Variants in PPEF2 observed in about 807,000 individuals in gnomAD.
PPEF2 encodes serine/threonine-protein phosphatase with EF-hands 2.
PPEF2 carries 84 observed loss-of-function variants against 84.7 expected under a neutral mutation model. The observed-to-expected ratio is 0.99, with a 90% CI of 0.83 to 1.19. The LOEUF (loss-of-function observed/expected upper bound fraction) is 1.19, where lower values mean the gene tolerates loss of function less well. Among genes scored for constraint, PPEF2 ranks in the 50% most tolerant of loss-of-function variants. The pLI, the probability that PPEF2 is intolerant of heterozygous loss-of-function variation, is 0.00. For missense variants in PPEF2, 924 were observed against 937.5 expected, an observed-to-expected ratio of 0.99 and a Z score of 0.19; for synonymous variants, 346 against 345.2, an observed-to-expected ratio of 1.00 and a Z score of -0.03.
Position 75,876,599 on chromosome 4 carries a change from C to T in PPEF2, c.1008G>A (p.Gln336=). 1.2e-6 allele frequency: 2 copies of T among 1,608,642 alleles called. No homozygotes were observed. Among genetic ancestry groups the T allele is most frequent in the Non-Finnish European group, 1.7e-6 (2 of 1,177,624 alleles). The change falls in exon 11 of 17, where the codon CAG becomes CAA. Residue 336 remains glutamine (Q), a synonymous_variant. Transcript: ENST00000286719. ...KQMEEKRRAN[Q]KSSAQGPIPW... ...GGATGGGTCCCTGTGCAGAGCTCTT[C>T]TGGTTGGCTCTTCTCTTCTCCTCCA...
At chr4:75,863,758 T>TA (rs551484416) in intron 16 of PPEF2, among the ~76,000 whole-genome samples, 4 of 151,720 alleles carry the variant, frequency 2.6e-5, no homozygotes, top group African/African-American at 4.8e-5. Flanking sequence ...AATTTAAAGT[T>TA]AAAAAAAACA....
At chr4:75,876,189 A>AG (rs397796783) in intron 11 of PPEF2, 98 bp downstream of exon 11, 22 of 1,452,528 alleles carry the variant, frequency 1.5e-5, no homozygotes, top group African/African-American at 2.9e-5. Context: ...CCAGAAAGAG[A>AG]AAGAGGGGCC....
intron 14 of PPEF2, 130 bp downstream of exon 14, chr4:75,867,183 G>T: frequency 1.7e-6 from 1 of 584,110 alleles, no homozygotes; most frequent in Non-Finnish European, 3.0e-6. Flanking sequence ...TGAATAAAAT[G>T]GAGGATATAG....
At chr4:75,883,456 G>T in intron 8 of PPEF2, 1 of 508,116 alleles carries the variant, frequency 2.0e-6, no homozygotes, top group South Asian at 2.8e-5. Context: ...TTATTTATAT[G>T]ATAGAGTATG....
intron 10 of PPEF2, among the ~76,000 whole-genome samples, chr4:75,878,049 T>C (rs1181360145): frequency 6.6e-6 from 1 of 152,148 alleles, no homozygotes; most frequent in Non-Finnish European, 1.5e-5. Flanking sequence ...GAGGAAAAAC[T>C]TGACTCTTGC....
In PPEF2 at chr4:75,873,236, TAAC is replaced by T. The variant is rs1226453759; in HGVS notation, c.1394_1396del (p.Cys465del). On this transcript the variant is annotated inframe_deletion, in exon 12 of 17. Coordinates refer to ENST00000286719, the MANE Select transcript of PPEF2 (RefSeq NM_006239.3). ...CTGTTGTGTCACATCAGGCCCAAAA[TAAC>T]AGCCTCCTCCTCGAATAGTGTTGGC... The T allele has an allele frequency of 6.2e-7, 1 of 1,614,072 alleles. No individual in the cohort carries two copies. Among genetic ancestry groups the T allele is most frequent in the Non-Finnish European group, 8.5e-7 (1 of 1,179,990 alleles).
At chr4:75,895,218 A>T (rs1724980882) in intron 2 of PPEF2, among the ~76,000 whole-genome samples, 1 of 148,652 alleles carries the variant, frequency 6.7e-6, no homozygotes, top group South Asian at 2.1e-4. Flanking sequence ...ACCTGAGGTC[A>T]GGAGTTCGAG....
chr4:75,892,172 C>T (rs1724906528), intron 2 of PPEF2, among the ~76,000 whole-genome samples, 194 bp from the exon 3 acceptor site: 1 of 152,164 alleles, frequency 6.6e-6, no homozygotes, highest in Admixed American at 6.5e-5. Flanking sequence ...CCATTTCCTG[C>T]CCCTCCCCTT....
intron 1 of PPEF2, among the ~76,000 whole-genome samples, chr4:75,897,685 G>T (rs1186967108): frequency 6.6e-6 from 1 of 152,208 alleles, no homozygotes; most frequent in African/African-American, 2.4e-5. Context: ...TGAGGCAGGA[G>T]AATGGCTTGA....
At position 75,866,342 on chromosome 4, in the gene PPEF2, G is replaced by A; in HGVS notation, c.1767C>T (p.Thr589=). 1.2e-6 allele frequency: 2 copies of A among 1,613,400 alleles called. No individual in the cohort carries two copies. Among genetic ancestry groups the A allele is most frequent in the Non-Finnish European group, 1.7e-6 (2 of 1,179,686 alleles). The stretch of plus-strand genomic sequence containing the variant: ...CCACCGCTGCTGCCCAGTCACTCAA[G>A]GTGATTAAACCTACAGGTGAGAGCT... The part of the protein sequence containing the change: ...KHDADKVGLI[T]LSDWAAAVES... Residue 589 remains threonine, a synonymous_variant, in exon 15 of 17, where the codon ACC becomes ACT. Coordinates refer to ENST00000286719, the MANE Select transcript of PPEF2 (RefSeq NM_006239.3).
At chr4:75,895,937 C>T (rs1159316550) in intron 2 of PPEF2, among the ~76,000 whole-genome samples, 2 of 152,014 alleles carry the variant, frequency 1.3e-5, no homozygotes, top group East Asian at 1.9e-4. Flanking sequence ...TTCCTTCTTC[C>T]CACCTCATGA....
Position 75,872,172 on chromosome 4 carries a change from A to C in PPEF2, c.1507-5T>G. ...GGCAGAAAAGATTGTTAATACCTACATCAAAACAGAAGAGAGACAGGTGTT... is the reference window on the plus strand; with the variant it reads ...GGCAGAAAAGATTGTTAATACCTACCTCAAAACAGAAGAGAGACAGGTGTT... On this transcript the variant is annotated splice_polypyrimidine_tract_variant and splice_region_variant and intron_variant, in intron 12 of 16. Coordinates refer to ENST00000286719, the MANE Select transcript of PPEF2 (RefSeq NM_006239.3). 1 of 1,612,244 alleles carries C rather than the reference A, an allele frequency of 6.2e-7. No individual in the cohort carries two copies. The highest frequency in any genetic ancestry group is 8.5e-7 in the Non-Finnish European group (1 of 1,179,302).
chr4:75,877,197 C>T (rs558657645), intron 10 of PPEF2, among the ~76,000 whole-genome samples: 14 of 151,586 alleles, frequency 9.2e-5, no homozygotes, highest in African/African-American at 2.9e-4. Context: ...ATTAGCTGGA[C>T]GTGGTGGTGC....
At chr4:75,885,454 G>C (rs938667148) in intron 7 of PPEF2, among the ~76,000 whole-genome samples, 3 of 152,114 alleles carry the variant, frequency 2.0e-5, no homozygotes, top group African/African-American at 7.2e-5. Flanking sequence ...GCCCCTTCTA[G>C]TTATTAACCA....
rs140104447 is a variant in PPEF2 at position 75,883,010 on chromosome 4, C to T, written c.849G>A (p.Leu283=). The T allele has an allele frequency of 2.2e-5, 36 of 1,614,208 alleles. No homozygotes were observed. The highest frequency in any genetic ancestry group is 3.1e-5 in the Non-Finnish European group (36 of 1,180,030). ...GAAGAATTAGAACTTTCTCATCTAT[C>T]AGAGTGGCCAGTGGAAGCCAACAGA... is the stretch of plus-strand genomic sequence containing the variant. ...DVFCWLPLAT[L]IDEKVLILHG... is the part of the protein sequence containing the mutation. Residue 283 remains leucine, a synonymous_variant, in exon 10 of 17, where the codon CTG becomes CTA. Transcript: ENST00000286719.
rs1308530744 is a variant in PPEF2, at chr4:75,860,932, G to T, written c.2009-12C>A. 1 of 1,609,870 alleles carries T rather than the reference G, an allele frequency of 6.2e-7. No individual in the cohort carries two copies. The highest frequency in any genetic ancestry group is 8.5e-7 in the Non-Finnish European group (1 of 1,176,552). On this transcript the variant is annotated splice_polypyrimidine_tract_variant and intron_variant, in intron 16 of 16. Coordinates refer to ENST00000286719, the MANE Select transcript of PPEF2 (RefSeq NM_006239.3). Reference sequence around the variant, plus strand: ...CAGTGAGATGAACCCTTATCAGAGGGAGGAAATCACTTCAGTGAGTTAGTC... The same window carrying T: ...CAGTGAGATGAACCCTTATCAGAGGTAGGAAATCACTTCAGTGAGTTAGTC...
rs764341920 is a variant in PPEF2 at position 75,866,287 on chromosome 4, GC to G, written c.1821del (p.Trp607CysfsTer4). 3.0e-5 allele frequency: 49 copies of G among 1,614,004 alleles called. No homozygotes were observed. The highest frequency in any genetic ancestry group is 3.8e-5 in the Non-Finnish European group (45 of 1,180,010). ...VESVLHLGLP[W>X]RMLRPQLVNS... Reference sequence around the variant, plus strand: ...TTCACCAGCTGTGGCCTCAGCATCCGCCATGGCAGTCCTAGGTGCAACACAG... The same window carrying G: ...TTCACCAGCTGTGGCCTCAGCATCCGCATGGCAGTCCTAGGTGCAACACAG... On this transcript the variant is annotated frameshift_variant, in exon 15 of 17. Transcript: ENST00000286719. LOFTEE classifies it high-confidence loss of function.
At chr4:75,869,293 G>A (rs1025917253) in intron 13 of PPEF2, among the ~76,000 whole-genome samples, 4 of 152,142 alleles carry the variant, frequency 2.6e-5, no homozygotes, top group Admixed American at 1.3e-4. Context: ...GTAACACTTA[G>A]TAAGCACTTA....
chr4:75,883,510 T>TAA (rs1408309778), intron 8 of PPEF2: 2 of 331,808 alleles, frequency 6.0e-6, no homozygotes, highest in Non-Finnish European at 5.5e-6. Flanking sequence ...AATAGTAAAA[T>TAA]AATGTGTAAA....
Sources: gnomAD v4.1 joint callset for allele counts (sites outside exome capture counted in the v4.1 genomes callset) on GRCh38, gnomAD v4.1.1 for gene constraint, MANE v1.5 for transcripts, NCBI Gene and HGNC (gene_info 2026-07-23, HGNC 2026-07-21) for gene names.